The following WDR72 variants were observed in gnomAD, a reference collection of about 807,000 sequenced individuals.
The protein encoded by WDR72 is WD repeat-containing protein 72.
Under a neutral mutation model 124.2 loss-of-function variants are expected in WDR72, and 120 were observed. The observed-to-expected ratio is 0.97, with a 90% confidence interval of 0.83 to 1.12. The LOEUF (loss-of-function observed/expected upper bound fraction) is 1.12. WDR72 is among the 50% of genes most tolerant of loss of function. WDR72 has a pLI of 0.00. For synonymous variants in WDR72, 452 were observed against 441.7 expected (o/e 1.02, Z -0.29); for missense variants, 1,387 against 1,278.8 (o/e 1.08, Z -1.29).
intron 14 of WDR72, among the ~76,000 whole-genome samples, chr15:53,632,129 A>G (rs1595807256): frequency 1.3e-5 from 2 of 152,012 alleles, no homozygotes; most frequent in East Asian, 3.9e-4. Context: ...TCTCCTCATC[A>G]CAAGCCCAGA....
At position 53,516,740 on chromosome 15, in the gene WDR72, A is replaced by G. The variant is rs1427554751; in HGVS notation, c.*959T>C. The stretch of plus-strand genomic sequence containing the variant: ...TTTCTATGGATTAGGCAATATTTAT[A>G]TACATAAGATATGTAGATTAATAAT... On this transcript the variant is annotated 3_prime_UTR_variant, in exon 20 of 20. Coordinates refer to ENST00000360509, the MANE Select transcript of WDR72 (RefSeq NM_182758.4). 1 of 152,086 alleles carries G rather than the reference A, an allele frequency of 6.6e-6. No individual in the cohort carries two copies. The highest frequency in any genetic ancestry group is 1.5e-5 in the Non-Finnish European group (1 of 67,984). The allele number at this position is 152,086 out of a possible 1,614,324, so 9.4% of individuals were successfully genotyped here.
chr15:53,651,689 A>T (rs2015246017), intron 14 of WDR72, among the ~76,000 whole-genome samples: 1 of 152,070 alleles, frequency 6.6e-6, no homozygotes. Context: ...ATCTTGCTCT[A>T]TTGCTCAGGC....
chr15:53,650,377 G>A (rs753122255), intron 14 of WDR72, among the ~76,000 whole-genome samples: 3 of 152,174 alleles, frequency 2.0e-5, no homozygotes, highest in South Asian at 2.1e-4. Flanking sequence ...CAGCAATAAC[G>A]TACTATACAC....
At chr15:53,619,327 T>C (rs1191540261) in intron 14 of WDR72, among the ~76,000 whole-genome samples, 1 of 151,258 alleles carries the variant, frequency 6.6e-6, no homozygotes, top group Non-Finnish European at 1.5e-5. Flanking sequence ...CTTTGAGATA[T>C]ATGTGACAGT....
chr15:53,667,491 T>C (rs546746411), intron 13 of WDR72, among the ~76,000 whole-genome samples: 4 of 152,318 alleles, frequency 2.6e-5, no homozygotes, highest in African/African-American at 7.2e-5. Flanking sequence ...AAATGATTTA[T>C]AGATCAACAA....
rs1453713994 is a variant in WDR72, at chr15:53,699,758, A to G, written c.1757T>C (p.Ile586Thr). ...CADDSVYIWE[I>T]ETGTLERHET... Reference sequence around the variant, plus strand: ...ATAAAATTTCAACTTACCTGTTTCAATTTCCCAGATATAAACTGAGTCATC... The same window carrying G: ...ATAAAATTTCAACTTACCTGTTTCAGTTTCCCAGATATAAACTGAGTCATC... Residue 586 changes from isoleucine (I) to threonine (T), a missense_variant, in exon 13 of 20, where the codon ATT (isoleucine) becomes ACT (threonine). Coordinates refer to ENST00000360509, the MANE Select transcript of WDR72 (RefSeq NM_182758.4). The G allele has an allele frequency of 2.5e-6, 4 of 1,614,036 alleles. No individual in the cohort carries two copies. The highest frequency in any genetic ancestry group is 3.3e-5 in the Admixed American group (2 of 60,002).
chr15:53,652,962 T>A (rs2015293280), intron 14 of WDR72, among the ~76,000 whole-genome samples: 1 of 152,178 alleles, frequency 6.6e-6, no homozygotes, highest in Non-Finnish European at 1.5e-5. Flanking sequence ...TAAATATCAG[T>A]GGAGGCTGCT....
At chr15:53,565,175 G>A (rs1894251212) in intron 18 of WDR72, among the ~76,000 whole-genome samples, 1 of 151,796 alleles carries the variant, frequency 6.6e-6, no homozygotes, top group Admixed American at 6.6e-5. Flanking sequence ...TCCCAGCAAG[G>A]GAACCTCATG....
intron 13 of WDR72, among the ~76,000 whole-genome samples, chr15:53,687,104 A>T (rs1426227192): frequency 6.7e-6 from 1 of 150,134 alleles, no homozygotes; most frequent in African/African-American, 2.5e-5. Context: ...CCACAAGAGA[A>T]AGCAGGAAAG....
chr15:53,745,795 C>T (rs2018629736), intron 1 of WDR72, among the ~76,000 whole-genome samples: 1 of 152,080 alleles, frequency 6.6e-6, no homozygotes, highest in Admixed American at 6.6e-5. Flanking sequence ...TTTCCTTCTA[C>T]AGATGAGTAA....
At chr15:53,570,488 C>T (rs1305578859) in intron 18 of WDR72, among the ~76,000 whole-genome samples, 1 of 151,970 alleles carries the variant, frequency 6.6e-6, no homozygotes, top group East Asian at 1.9e-4. Flanking sequence ...TGAAAAAATG[C>T]TCAACATTAC....
intron 18 of WDR72, among the ~76,000 whole-genome samples, chr15:53,547,128 G>A (rs898706547): frequency 1.3e-5 from 2 of 152,158 alleles, no homozygotes; most frequent in African/African-American, 4.8e-5. Context: ...ATCAAAATAA[G>A]GAAAACAACA....
intron 13 of WDR72, among the ~76,000 whole-genome samples, chr15:53,668,461 A>G: frequency 6.6e-6 from 1 of 152,220 alleles, no homozygotes; most frequent in African/African-American, 2.4e-5. Flanking sequence ...CTAGTTATCA[A>G]TTTATTACCT....
At chr15:53,661,177 C>A (rs990945519) in intron 14 of WDR72, among the ~76,000 whole-genome samples, 2 of 152,136 alleles carry the variant, frequency 1.3e-5, no homozygotes, top group Admixed American at 6.6e-5. Context: ...CTATCTGGTC[C>A]TTTCTAAGCC....
At chr15:53,696,835 C>G (rs1440702351) in intron 13 of WDR72, among the ~76,000 whole-genome samples, 2 of 152,182 alleles carry the variant, frequency 1.3e-5, no homozygotes, top group Non-Finnish European at 1.5e-5. Context: ...AATAAAGGAA[C>G]AGCATAAACT....
intron 1 of WDR72, among the ~76,000 whole-genome samples, chr15:53,742,348 A>G (rs1283882842): frequency 6.6e-6 from 1 of 152,206 alleles, no homozygotes; most frequent in Non-Finnish European, 1.5e-5. Flanking sequence ...CGGAGGAGAA[A>G]GTTATGTTCC....
chr15:53,606,815 GC>G (rs1372997227), intron 17 of WDR72, among the ~76,000 whole-genome samples: 1 of 152,130 alleles, frequency 6.6e-6, no homozygotes, highest in East Asian at 1.9e-4. Flanking sequence ...GCCAGTTGGG[GC>G]TAAATCAAGG....
At chr15:53,684,810 T>C (rs690625) in intron 13 of WDR72, among the ~76,000 whole-genome samples, 57,062 of 151,720 alleles carry the variant, frequency 0.38, 12,238 homozygotes, top group Middle Eastern at 0.61. Context: ...TAAATGTCCC[T>C]GTCTGACAGC....
At chr15:53,718,526 G>C (rs944036771) in intron 3 of WDR72, among the ~76,000 whole-genome samples, 1 of 151,874 alleles carries the variant, frequency 6.6e-6, no homozygotes, top group East Asian at 1.9e-4. Context: ...GCAAAAATTT[G>C]CTCTTTGCCT....
Sources: gnomAD v4.1 joint callset for allele counts (sites outside exome capture counted in the v4.1 genomes callset) on GRCh38, gnomAD v4.1.1 for gene constraint, MANE v1.5 for transcripts, NCBI Gene and HGNC (gene_info 2026-07-23, HGNC 2026-07-21) for gene names.